The following VPS13B variants were observed in gnomAD, a reference collection of about 807,000 sequenced individuals.
VPS13B encodes intermembrane lipid transfer protein VPS13B.
In VPS13B, 285 loss-of-function variants were observed where a neutral mutation model predicts 426.4. The observed-to-expected ratio is 0.67, with a 90% confidence interval of 0.61 to 0.74. The LOEUF (loss-of-function observed/expected upper bound fraction) is 0.74, where lower values mean the gene tolerates loss of function less well. Among genes scored for constraint, VPS13B ranks in the 30% least tolerant of loss-of-function variants. VPS13B has a pLI of 0.00. For synonymous variants in VPS13B, 1,676 were observed against 1,676.4 expected, an observed-to-expected ratio of 1.00 and a Z score of 0.01; for missense variants, 4,537 against 4,782.6, an observed-to-expected ratio of 0.95 and a Z score of 1.51.
chr8:99,619,866 C>A (rs955536065), intron 33 of VPS13B, among the ~76,000 whole-genome samples: 2 of 147,394 alleles, frequency 1.4e-5, no homozygotes, highest in Non-Finnish European at 3.0e-5. Context: ...CAGAGCAAGA[C>A]CCTGTCTCAA....
chr8:99,283,455 T>G (rs999202208), intron 19 of VPS13B, among the ~76,000 whole-genome samples: 1 of 152,220 alleles, frequency 6.6e-6, no homozygotes, highest in African/African-American at 2.4e-5. Context: ...AATGATTTCA[T>G]GCTCCTAGCA....
chr8:99,013,680 ACTGCTTTCGGC>A, intron 1 of VPS13B, 69 bp from the exon 2 acceptor site: 11 of 1,376,794 alleles, frequency 8.0e-6, no homozygotes, highest in Non-Finnish European at 1.0e-5. Flanking sequence ...GTGGGGACTT[ACTGCTTTCGGC>A]CTGAGATAAC....
intron 39 of VPS13B, among the ~76,000 whole-genome samples, chr8:99,763,083 C>T (rs981859998): frequency 1.5e-5 from 2 of 130,340 alleles, no homozygotes; most frequent in Admixed American, 1.8e-4. Context: ...CTTCAGTGAG[C>T]TGTGATCACA....
chr8:99,583,603 G>A (rs1826176568), intron 33 of VPS13B, among the ~76,000 whole-genome samples: 1 of 152,074 alleles, frequency 6.6e-6, no homozygotes, highest in Non-Finnish European at 1.5e-5. Flanking sequence ...TTGTCTTTTA[G>A]TAGAAAGTGA....
chr8:99,533,033 G>A (rs1445673960), intron 30 of VPS13B, among the ~76,000 whole-genome samples: 3 of 146,840 alleles, frequency 2.0e-5, no homozygotes, highest in African/African-American at 2.5e-5. Context: ...TCCACCTCCC[G>A]GGTTCAAGCG....
chr8:99,303,730 C>CAAAAAAAAAAAAAAAAAA (rs58708195), intron 19 of VPS13B, among the ~76,000 whole-genome samples: 1 of 63,712 alleles, frequency 1.6e-5, no homozygotes, highest in African/African-American at 7.1e-5. Flanking sequence ...GACTCCGTCT[C>CAAAAAAAAAAAAAAAAAA]AAAAAAAAAA....
chr8:99,422,773 A>T (rs1286618006), intron 21 of VPS13B, among the ~76,000 whole-genome samples: 2 of 152,216 alleles, frequency 1.3e-5, no homozygotes, highest in Non-Finnish European at 2.9e-5. Context: ...TTAAATACTT[A>T]CCACTTCCTT....
chr8:99,277,183 G>A (rs1011980114), intron 19 of VPS13B, among the ~76,000 whole-genome samples: 1 of 152,026 alleles, frequency 6.6e-6, no homozygotes, highest in Non-Finnish European at 1.5e-5. Flanking sequence ...GTTATGGATA[G>A]TAGTATGTTT....
At chr8:99,464,689 T>C (rs1466402607) in intron 23 of VPS13B, among the ~76,000 whole-genome samples, 2 of 152,160 alleles carry the variant, frequency 1.3e-5, no homozygotes, top group African/African-American at 4.8e-5. Flanking sequence ...AAGTTTAATA[T>C]GTTCCTTTGG....
intron 33 of VPS13B, among the ~76,000 whole-genome samples, chr8:99,586,918 G>C (rs1042893601): frequency 6.6e-6 from 1 of 152,038 alleles, no homozygotes; most frequent in African/African-American, 2.4e-5. Flanking sequence ...GTGTTGGTTT[G>C]CTGCACGCAT....
At chr8:99,869,891 C>CTACA (rs1430427818) in intron 59 of VPS13B, among the ~76,000 whole-genome samples, 2 of 152,244 alleles carry the variant, frequency 1.3e-5, no homozygotes, top group African/African-American at 4.8e-5. Context: ...AGCACACATG[C>CTACA]TGTACCATCT....
intron 17 of VPS13B, among the ~76,000 whole-genome samples, chr8:99,270,796 G>C (rs1435291607): frequency 1.3e-5 from 2 of 151,952 alleles, no homozygotes. Flanking sequence ...TGAGAGCCAG[G>C]GGAGGGAAGG....
At chr8:99,743,098 T>C (rs959754721) in intron 39 of VPS13B, among the ~76,000 whole-genome samples, 1 of 152,146 alleles carries the variant, frequency 6.6e-6, no homozygotes, top group African/African-American at 2.4e-5. Context: ...GCCCAAAATC[T>C]CCTTAAGCTG....
At chr8:99,453,483 T>C (rs1458167537) in intron 23 of VPS13B, among the ~76,000 whole-genome samples, 1 of 152,234 alleles carries the variant, frequency 6.6e-6, no homozygotes, top group African/African-American at 2.4e-5. Context: ...CTAAATGTAC[T>C]TAATATAATT....
intron 17 of VPS13B, chr8:99,234,170 C>T: frequency 2.6e-6 from 2 of 780,298 alleles, no homozygotes; most frequent in East Asian, 2.4e-5. Context: ...CCTCTTCATC[C>T]AGGATGTAGG....
At chr8:99,144,797 A>G (rs1810616056) in intron 13 of VPS13B, among the ~76,000 whole-genome samples, 2 of 152,206 alleles carry the variant, frequency 1.3e-5, no homozygotes, top group African/African-American at 4.8e-5. Flanking sequence ...TTATATCCTC[A>G]TGGGGTAGAC....
intron 39 of VPS13B, among the ~76,000 whole-genome samples, chr8:99,738,357 T>A (rs1250562968): frequency 6.6e-6 from 1 of 152,228 alleles, no homozygotes; most frequent in Middle Eastern, 3.2e-3. Flanking sequence ...ACTATCTTTT[T>A]TCTCTTTAGC....
At chr8:99,475,837 T>C (rs970412962) in intron 24 of VPS13B, among the ~76,000 whole-genome samples, 5 of 152,200 alleles carry the variant, frequency 3.3e-5, no homozygotes, top group Non-Finnish European at 7.3e-5. Context: ...AACCTTTTTT[T>C]CTAGAATTAC....
intron 17 of VPS13B, among the ~76,000 whole-genome samples, chr8:99,206,350 G>A (rs547014528): frequency 1.3e-3 from 201 of 152,260 alleles, no homozygotes; most frequent in Non-Finnish European, 1.9e-3. Flanking sequence ...GAAAGTAACT[G>A]TTAAAGTATT....
Sources: gnomAD v4.1 joint callset for allele counts (sites outside exome capture counted in the v4.1 genomes callset) on GRCh38, gnomAD v4.1.1 for gene constraint, MANE v1.5 for transcripts, NCBI Gene and HGNC (gene_info 2026-07-23, HGNC 2026-07-21) for gene names.